The following SGMS1 variants were observed in gnomAD, a reference collection of about 807,000 sequenced individuals.
The protein encoded by SGMS1 is sphingomyelin synthase 1, also known as phosphatidylcholine:ceramide cholinephosphotransferase 1.
SGMS1 carries 13 observed loss-of-function variants against 46.2 expected under a neutral mutation model. That is an observed-to-expected ratio of 0.28 (90% confidence interval 0.18 to 0.45). SGMS1 has a LOEUF of 0.45. Ranked by LOEUF, SGMS1 falls within the 20% of genes least tolerant of loss-of-function variation. SGMS1 has a pLI of 1.00. For missense variants in SGMS1, 324 were observed against 519.9 expected (o/e 0.62, Z 3.66); for synonymous variants, 203 against 187.8 (o/e 1.08, Z -0.66).
At chr10:50,503,648 C>A (rs1837680622) in intron 3 of SGMS1, among the ~76,000 whole-genome samples, 1 of 152,220 alleles carries the variant, frequency 6.6e-6, no homozygotes, top group African/African-American at 2.4e-5. Context: ...AAATAAACAG[C>A]CTTGTTGCTC....
At chr10:50,423,737 G>A (rs1849285202) in intron 6 of SGMS1, among the ~76,000 whole-genome samples, 1 of 152,162 alleles carries the variant, frequency 6.6e-6, no homozygotes, top group Admixed American at 6.5e-5. Flanking sequence ...TCTCTGGCCA[G>A]TCCTTAAAAA....
intron 6 of SGMS1, among the ~76,000 whole-genome samples, chr10:50,368,349 T>C (rs1848382553): frequency 6.6e-6 from 1 of 152,158 alleles, no homozygotes; most frequent in South Asian, 2.1e-4. Flanking sequence ...TATACTAATT[T>C]TTTTATTTTT....
intron 1 of SGMS1, among the ~76,000 whole-genome samples, chr10:50,599,470 C>A (rs1025058343): frequency 1.2e-5 from 1 of 84,840 alleles, no homozygotes; most frequent in African/African-American, 4.4e-5. Flanking sequence ...GTGCTGGGAG[C>A]CTTTTTTTTT....
Position 50,599,841 on chromosome 10 carries a change from C to T in SGMS1, c.-683-9594G>A, listed in dbSNP as rs1479302876. ...TTGCACCACTGCACCCCAGCCTGGG[C>T]GACAGACCAAGACTGTCTCAGAAAA... On this transcript the variant is annotated intron_variant, in intron 1 of 10. Coordinates refer to ENST00000361781, the MANE Select transcript of SGMS1 (RefSeq NM_147156.4). 5.3e-5 allele frequency among the ~76,000 whole-genome samples: 8 copies of T among 152,006 alleles called. No individual in the cohort carries two copies. In the South Asian group the frequency reaches 6.3e-4, roughly 12 times the overall value.
chr10:50,498,116 T>G (rs1028215170), intron 3 of SGMS1, among the ~76,000 whole-genome samples: 13 of 152,276 alleles, frequency 8.5e-5, no homozygotes, highest in African/African-American at 3.1e-4. Context: ...AGTTGGGAGT[T>G]AGGGAAATAT....
chr10:50,432,467 C>A (rs983636786), intron 6 of SGMS1, among the ~76,000 whole-genome samples: 1 of 152,090 alleles, frequency 6.6e-6, no homozygotes, highest in African/African-American at 2.4e-5. Context: ...AATGAGCCAG[C>A]CACAGCAGTG....
intron 6 of SGMS1, among the ~76,000 whole-genome samples, chr10:50,403,055 T>C (rs1267406381): frequency 1.3e-5 from 2 of 152,228 alleles, no homozygotes; most frequent in Non-Finnish European, 2.9e-5. Flanking sequence ...AAAGACATTA[T>C]GTTGTAACCA....
intron 6 of SGMS1, among the ~76,000 whole-genome samples, chr10:50,362,946 C>CA (rs1289851808): frequency 3.3e-5 from 5 of 151,534 alleles, no homozygotes; most frequent in Non-Finnish European, 7.4e-5. Flanking sequence ...GTGAAATCAG[C>CA]AAAAAAATAA....
chr10:50,466,532 C>T (rs1248504569), intron 4 of SGMS1, among the ~76,000 whole-genome samples: 1 of 152,012 alleles, frequency 6.6e-6, no homozygotes, highest in African/African-American at 2.4e-5. Context: ...GTACTGCAAA[C>T]ACCTAAAATG....
intron 3 of SGMS1, among the ~76,000 whole-genome samples, chr10:50,492,962 C>T (rs1837579374): frequency 6.6e-6 from 1 of 152,104 alleles, no homozygotes; most frequent in East Asian, 1.9e-4. Flanking sequence ...CCTTTTAAAC[C>T]TCCTCTCTTA....
At chr10:50,519,419 A>G (rs911476331) in intron 3 of SGMS1, among the ~76,000 whole-genome samples, 3 of 152,218 alleles carry the variant, frequency 2.0e-5, no homozygotes, top group Non-Finnish European at 2.9e-5. Context: ...GCCTCCATCA[A>G]AAGCAATTCC....
At chr10:50,317,776 C>T (rs1847367720) in intron 8 of SGMS1, among the ~76,000 whole-genome samples, 1 of 151,636 alleles carries the variant, frequency 6.6e-6, no homozygotes, top group Non-Finnish European at 1.5e-5. Context: ...ATCAAGCTCC[C>T]CTGTCTCTAT....
intron 2 of SGMS1, among the ~76,000 whole-genome samples, chr10:50,547,619 G>C (rs1489064386): frequency 2.0e-5 from 3 of 152,130 alleles, no homozygotes; most frequent in Non-Finnish European, 4.4e-5. Flanking sequence ...GATATACAAA[G>C]AAGAGCTGGT....
rs1847192872 is a variant in SGMS1 at position 50,307,331 on chromosome 10, C to T, written c.1063-10G>A. The T allele has an allele frequency of 1.2e-6, 2 of 1,605,946 alleles. No individual in the cohort carries two copies. Among genetic ancestry groups the T allele is most frequent in the Non-Finnish European group, 1.7e-6 (2 of 1,176,238 alleles). On this transcript the variant is annotated splice_polypyrimidine_tract_variant and intron_variant, in intron 10 of 10. Coordinates refer to ENST00000361781, the MANE Select transcript of SGMS1 (RefSeq NM_147156.4). The surrounding 1 kb of genome is among the most constrained non-coding windows in gnomAD (Gnocchi z 4.2). ...AAGCTTCCTTTAGCACCTAGGATAACAAAGAAACATAAACACATTTCTTAC... is the reference window on the plus strand; with the variant it reads ...AAGCTTCCTTTAGCACCTAGGATAATAAAGAAACATAAACACATTTCTTAC...
At chr10:50,420,117 A>G (rs990899547) in intron 6 of SGMS1, among the ~76,000 whole-genome samples, 3 of 152,166 alleles carry the variant, frequency 2.0e-5, no homozygotes, top group African/African-American at 7.2e-5. Context: ...ATAGCCTCAC[A>G]TTTATCCTTA....
intron 6 of SGMS1, among the ~76,000 whole-genome samples, chr10:50,431,006 T>C (rs768389906): frequency 3.9e-5 from 6 of 152,178 alleles, no homozygotes; most frequent in Non-Finnish European, 2.9e-5. Context: ...AAATCTTCTA[T>C]ACAAGGGATG....
In SGMS1 at chr10:50,338,502, C is replaced by T. The variant is rs559297702; in HGVS notation, c.623+4990G>A. ...GGAGATTTCCCCAAATTAGTAAATG[C>T]TATTTCCCCATCAAATTCCATATAC... On this transcript the variant is annotated intron_variant, in intron 7 of 10. Coordinates refer to ENST00000361781, the MANE Select transcript of SGMS1 (RefSeq NM_147156.4). Among the ~76,000 whole-genome samples, 9 of 152,202 alleles carry T rather than the reference C, an allele frequency of 5.9e-5. No homozygotes were observed. The East Asian group carries it at 1.7e-3, about 29-fold the overall frequency.
At chr10:50,522,328 T>TA (rs1021321047) in intron 2 of SGMS1, among the ~76,000 whole-genome samples, 1,584 of 149,698 alleles carry the variant, frequency 0.011, 29 homozygotes, top group African/African-American at 0.034. Flanking sequence ...TTTCTGATAT[T>TA]AAAAAAAAAA....
At chr10:50,571,090 A>T (rs1838333005) in intron 2 of SGMS1, among the ~76,000 whole-genome samples, 1 of 152,280 alleles carries the variant, frequency 6.6e-6, no homozygotes, top group South Asian at 2.1e-4. Context: ...GTCCAACTGC[A>T]AACACTTGTT....
Sources: gnomAD v4.1 joint callset for allele counts (sites outside exome capture counted in the v4.1 genomes callset) on GRCh38, gnomAD v4.1.1 for gene constraint, Gnocchi (gnomAD v3.1) non-coding constraint, MANE v1.5 for transcripts, NCBI Gene and HGNC (gene_info 2026-07-23, HGNC 2026-07-21) for gene names.